The following QKI variants were observed in gnomAD, a reference collection of about 807,000 sequenced individuals.
QKI encodes the protein KH domain-containing RNA-binding protein QKI.
Under a neutral mutation model 39.0 loss-of-function variants are expected in QKI, and 10 were observed. The ratio of observed to expected loss-of-function variants is 0.26; its 90% confidence interval spans 0.16 to 0.43. QKI has a LOEUF of 0.43. Ranked by LOEUF, QKI falls within the 20% of genes least tolerant of loss-of-function variation. The pLI is 1.00. For synonymous variants in QKI, 204 were observed against 155.4 expected (o/e 1.31, Z -2.33); for missense variants, 218 against 428.0 (o/e 0.51, Z 4.33).
intron 2 of QKI, among the ~76,000 whole-genome samples, chr6:163,472,907 A>C (rs552029397): frequency 6.6e-6 from 1 of 152,326 alleles, no homozygotes; most frequent in South Asian, 2.1e-4. Context: ...TACAATAAGC[A>C]AAATATTCAT....
At chr6:163,415,473 G>A (rs1787371219) in intron 1 of QKI, 138 bp downstream of exon 1, 6 of 782,202 alleles carry the variant, frequency 7.7e-6, no homozygotes, top group Non-Finnish European at 1.0e-5. Context: ...CCAGGAGGGC[G>A]CACAAAGGAG....
chr6:163,522,829 G>A (rs1780243770), intron 3 of QKI, among the ~76,000 whole-genome samples: 1 of 152,128 alleles, frequency 6.6e-6, no homozygotes, highest in African/African-American at 2.4e-5. Context: ...TTTCAGTGAT[G>A]TGTGCACGAT....
At chr6:163,454,470 C>T (rs1409522171) in intron 1 of QKI, among the ~76,000 whole-genome samples, 1 of 152,104 alleles carries the variant, frequency 6.6e-6, no homozygotes, top group Non-Finnish European at 1.5e-5. Flanking sequence ...TCTCTGATCA[C>T]CAGTGGCTTA....
chr6:163,549,797 G>A (rs908274074), intron 4 of QKI, among the ~76,000 whole-genome samples: 4 of 152,106 alleles, frequency 2.6e-5, no homozygotes, highest in African/African-American at 9.7e-5. Context: ...GTATGCAATT[G>A]TAGTAATGTT....
chr6:163,520,800 G>A (rs768810482), intron 3 of QKI, among the ~76,000 whole-genome samples: 3 of 152,180 alleles, frequency 2.0e-5, no homozygotes, highest in Non-Finnish European at 4.4e-5. Flanking sequence ...ATACTCTGCT[G>A]CATTAACTAT....
At chr6:163,544,322 T>C (rs529159462) in intron 4 of QKI, among the ~76,000 whole-genome samples, 1 of 152,154 alleles carries the variant, frequency 6.6e-6, no homozygotes, top group African/African-American at 2.4e-5. Flanking sequence ...TACTATGCCA[T>C]TTTATATCAT....
At chr6:163,518,369 G>C (rs1217225597) in intron 3 of QKI, among the ~76,000 whole-genome samples, 1 of 152,100 alleles carries the variant, frequency 6.6e-6, no homozygotes, top group East Asian at 1.9e-4. Context: ...AGGATGGACA[G>C]ATACAAATTT....
At chr6:163,528,443 G>T (rs887475609) in intron 3 of QKI, among the ~76,000 whole-genome samples, 2 of 152,102 alleles carry the variant, frequency 1.3e-5, no homozygotes, top group African/African-American at 4.8e-5. Context: ...CTCTGGCTAG[G>T]TATGGTAGCT....
At position 163,563,596 on chromosome 6, in the gene QKI, A is replaced by T; in HGVS notation, c.811A>T (p.Thr271Ser). 6.2e-7 allele frequency: 1 copy of T among 1,614,070 alleles called. No individual in the cohort carries two copies. Among genetic ancestry groups the T allele is most frequent in the Non-Finnish European group, 8.5e-7 (1 of 1,180,006 alleles). The change falls in exon 6 of 8, where the codon ACT becomes TCT. Residue 271 changes from threonine (T) to serine (S), a missense_variant. Transcript: ENST00000361752. ...CATGCCAAACGGAACTCCTCACCCA[A>T]CTGCTGCAATAGTTCCTCCAGGGCC... ...AVMPNGTPHP[T>S]AAIVPPGPEA...
chr6:163,566,739 T>C lies in QKI; in HGVS notation c.953T>C (p.Val318Ala). The stretch of plus-strand genomic sequence containing the variant: ...TAACTAGGTGCGGTGGCTACTAAAG[T>C]TCGAAGGCACGATATGCGTGTCCAT... ...SGVLGAVATK[V>A]RRHDMRVHPY... Residue 318 changes from valine to alanine, a missense_variant, in exon 7 of 8, where the codon GTT becomes GCT. This residue lies in a region of QKI where 117 missense variants were observed against 186.0 expected (regional missense o/e 0.63). Transcript: ENST00000361752. The C allele has an allele frequency of 6.2e-7, 1 of 1,613,830 alleles. No homozygotes were observed. The highest frequency in any genetic ancestry group is 1.1e-5 in the South Asian group (1 of 91,038).
At chr6:163,430,634 G>C (rs988221240) in intron 1 of QKI, among the ~76,000 whole-genome samples, 2 of 152,116 alleles carry the variant, frequency 1.3e-5, no homozygotes, top group Non-Finnish European at 2.9e-5. Flanking sequence ...GGATAGATTA[G>C]TTGTCAGCAT....
intron 2 of QKI, among the ~76,000 whole-genome samples, chr6:163,474,720 G>A (rs1247907027): frequency 2.0e-5 from 3 of 149,854 alleles, no homozygotes; most frequent in Non-Finnish European, 4.4e-5. Context: ...GGGTGAGGAT[G>A]GCTTGAGTCC....
At chr6:163,556,703 T>G (rs913908858) in intron 4 of QKI, among the ~76,000 whole-genome samples, 1 of 152,124 alleles carries the variant, frequency 6.6e-6, no homozygotes, top group African/African-American at 2.4e-5. Flanking sequence ...TTTCTGTTTG[T>G]TACGGACTGG....
At chr6:163,447,415 T>C (rs1406753958) in intron 1 of QKI, among the ~76,000 whole-genome samples, 1 of 152,134 alleles carries the variant, frequency 6.6e-6, no homozygotes, top group African/African-American at 2.4e-5. Flanking sequence ...TTAACTGTAG[T>C]CACTCTAATC....
intron 1 of QKI, 107 bp downstream of exon 1, chr6:163,415,442 A>C: frequency 5.1e-6 from 5 of 988,294 alleles, no homozygotes; most frequent in Non-Finnish European, 4.0e-6. Context: ...GGCGGGACCG[A>C]GCGCCGGGGG....
intron 1 of QKI, among the ~76,000 whole-genome samples, chr6:163,436,464 C>G (rs1057286338): frequency 5.9e-5 from 9 of 152,038 alleles, no homozygotes; most frequent in Non-Finnish European, 1.2e-4. Context: ...AAACGTTTTA[C>G]AAATTCTCTA....
chr6:163,566,476 G>A, intron 6 of QKI: 1 of 1,329,994 alleles, frequency 7.5e-7, no homozygotes. Context: ...ACTGTAACTT[G>A]GGGATTGTAA....
At chr6:163,431,035 C>T (rs1417305075) in intron 1 of QKI, among the ~76,000 whole-genome samples, 1 of 152,010 alleles carries the variant, frequency 6.6e-6, no homozygotes, top group African/African-American at 2.4e-5. Flanking sequence ...ATTCTTGGTA[C>T]TAGTTCTGAG....
chr6:163,544,191 C>A (rs1781723809), intron 4 of QKI, among the ~76,000 whole-genome samples: 1 of 152,002 alleles, frequency 6.6e-6, no homozygotes, highest in South Asian at 2.1e-4. Context: ...AAATTTGCAT[C>A]CTTCAAGCAC....
Sources: allele counts gnomAD v4.1 joint callset (sites outside exome capture counted in the v4.1 genomes callset), GRCh38; gene constraint gnomAD v4.1.1; regional missense constraint gnomAD v4.1.1; transcripts MANE v1.5; gene names NCBI Gene and HGNC (gene_info 2026-07-23, HGNC 2026-07-21).